Variants in MS4A15 observed in about 807,000 individuals in gnomAD.
MS4A15 encodes the protein membrane spanning 4-domains A15.
MS4A15 carries 22 observed loss-of-function variants against 20.6 expected under a neutral mutation model. That is an observed-to-expected ratio of 1.07 (90% CI 0.76 to 1.52). MS4A15 has a LOEUF of 1.52. Ranked by LOEUF, MS4A15 falls within the 40% of genes most tolerant of loss-of-function variation. The probability of loss-of-function intolerance (pLI) is 0.00; values close to 1 mark genes in which losing one functional copy is unlikely to be tolerated. For synonymous variants in MS4A15, 129 were observed against 129.3 expected (o/e 1.00, Z 0.02); for missense variants, 312 against 323.0 (o/e 0.97, Z 0.26).
intron 5 of MS4A15, 56 bp from the exon 6 acceptor site, chr11:60,773,781 G>A: frequency 2.0e-6 from 3 of 1,487,640 alleles, no homozygotes; most frequent in Non-Finnish European, 1.9e-6. Flanking sequence ...TCTCACTCGG[G>A]GGACCCCCTT....
At chr11:60,774,902 G>GC (rs1854147435) in intron 6 of MS4A15, among the ~76,000 whole-genome samples, 1 of 152,212 alleles carries the variant, frequency 6.6e-6, no homozygotes, top group Non-Finnish European at 1.5e-5. Context: ...TTTGTCCAGT[G>GC]CCGGAAGGTG....
rs573221013 is a variant in MS4A15 at position 60,774,637 on chromosome 11, CA to C, written c.612+688del. On this transcript the variant is annotated intron_variant, in intron 6 of 6. Coordinates refer to ENST00000405633, the MANE Select transcript of MS4A15 (RefSeq NM_001098835.2). ...CAGGCCACATGGGAGACAGGGGCAT[CA>C]GGGAGGGCAGCATGATAGAGATGGA... 2.3e-3 allele frequency among the ~76,000 whole-genome samples: 350 copies of C among 152,180 alleles called. 1 individual carries two copies. The highest frequency in any genetic ancestry group is 8.3e-3 in the African/African-American group (343 of 41,524).
intron 4 of MS4A15, chr11:60,771,792 A>C (rs1257616432): frequency 4.2e-6 from 5 of 1,202,552 alleles, no homozygotes; most frequent in Non-Finnish European, 5.3e-6. Flanking sequence ...AATCAGACAG[A>C]GAGATTTAAT....
At chr11:60,765,342 T>G (rs1228771806) in intron 2 of MS4A15, among the ~76,000 whole-genome samples, 1 of 152,094 alleles carries the variant, frequency 6.6e-6, no homozygotes, top group African/African-American at 2.4e-5. Context: ...TACACACATA[T>G]GTAGATTCTT....
intron 3 of MS4A15, among the ~76,000 whole-genome samples, chr11:60,770,478 G>A (rs891697898): frequency 9.9e-5 from 15 of 151,648 alleles, no homozygotes; most frequent in African/African-American, 3.4e-4. Flanking sequence ...GGCGTCTGTA[G>A]TCCCAGCTAC....
intron 1 of MS4A15, among the ~76,000 whole-genome samples, chr11:60,759,199 A>G (rs1308960427): frequency 1.3e-5 from 2 of 152,240 alleles, no homozygotes; most frequent in African/African-American, 4.8e-5. Flanking sequence ...ACAAAGAAAA[A>G]TTGTTATGCT....
At chr11:60,762,979 T>C (rs1326718170) in intron 1 of MS4A15, among the ~76,000 whole-genome samples, 1 of 152,106 alleles carries the variant, frequency 6.6e-6, no homozygotes, top group African/African-American at 2.4e-5. Flanking sequence ...CAAAAAGCCA[T>C]CTAGTGGATG....
chr11:60,774,916 A>T (rs1854147883), intron 6 of MS4A15, among the ~76,000 whole-genome samples: 1 of 152,054 alleles, frequency 6.6e-6, no homozygotes, highest in South Asian at 2.1e-4. Context: ...GAAGGTGGAG[A>T]GGGTGGACAA....
chr11:60,768,594 G>A (rs942648571), intron 3 of MS4A15, among the ~76,000 whole-genome samples: 7 of 152,180 alleles, frequency 4.6e-5, no homozygotes, highest in Admixed American at 1.3e-4. Flanking sequence ...CAGCTTCACC[G>A]CATGTTAAGA....
In MS4A15 at chr11:60,775,497, A is replaced by G. The variant is rs1003873996; in HGVS notation, c.613-108A>G. 4.8e-6 allele frequency: 4 copies of G among 828,270 alleles called. 1 individual carries two copies. In the South Asian group the frequency reaches 6.4e-5, roughly 13 times the overall value. The allele number at this position is 828,270 out of a possible 1,614,324, so 51.3% of individuals were successfully genotyped here. On this transcript the variant is annotated intron_variant, in intron 6 of 6. Coordinates refer to ENST00000405633, the MANE Select transcript of MS4A15 (RefSeq NM_001098835.2). Reference sequence around the variant, plus strand: ...TGAGCATGCGATTCAGACTTGCGGAATTCAGTACCAGGGCGCTGTTCTCAG... The same window carrying G: ...TGAGCATGCGATTCAGACTTGCGGAGTTCAGTACCAGGGCGCTGTTCTCAG...
intron 3 of MS4A15, among the ~76,000 whole-genome samples, chr11:60,768,845 C>T (rs1256180746): frequency 6.6e-6 from 1 of 152,154 alleles, no homozygotes; most frequent in Non-Finnish European, 1.5e-5. Flanking sequence ...GTGTTGGTTC[C>T]AGAACCGAGG....
Position 60,776,435 on chromosome 11 carries a change from A to T in MS4A15, c.*720A>T, listed in dbSNP as rs1854196179. 1.6e-5 allele frequency: 2 copies of T among 125,634 alleles called. No homozygotes were observed. 7.8% of individuals were successfully genotyped at this position (125,634 alleles called of 1,614,324 possible). A position where few individuals can be genotyped will look rare whatever the true frequency, so the allele number is the denominator to read the frequency against. On this transcript the variant is annotated 3_prime_UTR_variant, in exon 7 of 7. Transcript: ENST00000405633. ...CGCCCCCCACCCCCTACCATCTCCC[A>T]ATGGAGGGGAGGTTGCAGGGGAGAG...
At chr11:60,760,059 C>A (rs12366081) in intron 1 of MS4A15, among the ~76,000 whole-genome samples, 54,247 of 152,076 alleles carry the variant, frequency 0.36, 9,881 homozygotes, top group Middle Eastern at 0.41. Context: ...TCTCTTGTCT[C>A]CACCTGACGA....
At chr11:60,773,624 A>G (rs1854101546) in intron 5 of MS4A15, 140 bp downstream of exon 5, 7 of 814,714 alleles carry the variant, frequency 8.6e-6, no homozygotes, top group Admixed American at 8.3e-5. Context: ...GAATCCATGG[A>G]TCCTCTGAGC....
chr11:60,761,061 G>C (rs1020174958), intron 1 of MS4A15, among the ~76,000 whole-genome samples: 2 of 152,172 alleles, frequency 1.3e-5, no homozygotes, highest in African/African-American at 4.8e-5. Flanking sequence ...ATGTTTACTG[G>C]AGTCATGTTC....
chr11:60,775,695 T>C lies in MS4A15; in HGVS notation c.703T>C (p.Tyr235His). The C allele has an allele frequency of 6.2e-7, 1 of 1,613,738 alleles. No individual in the cohort carries two copies. The highest frequency in any genetic ancestry group is 1.3e-5 in the African/African-American group (1 of 75,068). ...GCCCCCTGCCTATGACAATGTGGCATATGCCCAAGGAGTCGTCTGAGTAGC... is the reference window on the plus strand; with the variant it reads ...GCCCCCTGCCTATGACAATGTGGCACATGCCCAAGGAGTCGTCTGAGTAGC... ...SAPPAYDNVA[Y>H]AQGVV is the part of the protein sequence containing the mutation. Residue 235 changes from tyrosine (Y) to histidine (H), a missense_variant, in exon 7 of 7, where the codon TAT (tyrosine) becomes CAT (histidine). Physicochemically the swap from Tyr to His is moderately conservative, Grantham distance 83. Coordinates refer to ENST00000405633, the MANE Select transcript of MS4A15 (RefSeq NM_001098835.2).
rs1322581641 is a variant in MS4A15 at position 60,773,869 on chromosome 11, T to C, written c.531T>C (p.Thr177=). The C allele has an allele frequency of 6.2e-7, 1 of 1,614,212 alleles. No homozygotes were observed. The highest frequency in any genetic ancestry group is 1.1e-5 in the South Asian group (1 of 91,088). The change falls in exon 6 of 7, where the codon ACT becomes ACC. Residue 177 remains threonine, a synonymous_variant. Coordinates refer to ENST00000405633, the MANE Select transcript of MS4A15 (RefSeq NM_001098835.2). ...ACAGGGGCTATCTGGCCGTGCTTAC[T>C]ATCTTCACTGTCCTGGAGTTCTTCA... ...DVDRGYLAVL[T]IFTVLEFFTA...
Position 60,773,398 on chromosome 11 carries a change from A to G in MS4A15, c.412A>G (p.Ser138Gly), listed in dbSNP as rs761572079. 1 of 1,612,496 alleles carries G rather than the reference A, an allele frequency of 6.2e-7. No homozygotes were observed. The highest frequency in any genetic ancestry group is 8.5e-7 in the Non-Finnish European group (1 of 1,179,624). The change falls in exon 5 of 7, where the codon AGC becomes GGC. Residue 138 changes from serine to glycine, a missense_variant. Transcript: ENST00000405633. ...GTCTCTCTGCTCTCTGCAGGTGAGG[A>G]GCAGCCTGGGCACCAACATCCTCAG... ...EKNHTSCLVR[S>G]SLGTNILSVM...
At position 60,767,656 on chromosome 11, in the gene MS4A15, G is replaced by C; in HGVS notation, c.348+1G>C. 6.5e-7 allele frequency: 1 copy of C among 1,548,616 alleles called. No individual in the cohort carries two copies. Among genetic ancestry groups the C allele is most frequent in the Non-Finnish European group, 8.7e-7 (1 of 1,145,998 alleles). On this transcript the variant is annotated splice_donor_variant, in intron 3 of 6. Coordinates refer to ENST00000405633, the MANE Select transcript of MS4A15 (RefSeq NM_001098835.2). LOFTEE classifies it high-confidence loss of function. ...CGTCCCCTTCTGGGGAGGAGCCTGCGTGAGTGCCGGGGCCATGGAGAGGGA... is the reference window on the plus strand; with the variant it reads ...CGTCCCCTTCTGGGGAGGAGCCTGCCTGAGTGCCGGGGCCATGGAGAGGGA...
Sources: allele counts gnomAD v4.1 joint callset (sites outside exome capture counted in the v4.1 genomes callset), GRCh38; gene constraint gnomAD v4.1.1; transcripts MANE v1.5; gene names NCBI Gene and HGNC (gene_info 2026-07-23, HGNC 2026-07-21).